Variants in PARN observed in about 807,000 individuals in gnomAD.
PARN encodes poly(A)-specific ribonuclease, also known as poly(A)-specific ribonuclease PARN.
PARN carries 71 observed loss-of-function variants against 102.8 expected under a neutral mutation model. The ratio of observed to expected loss-of-function variants is 0.69; its 90% CI spans 0.57 to 0.84. PARN has a LOEUF of 0.84. PARN is among the 40% of genes least tolerant of loss of function. The pLI, the probability that PARN is intolerant of heterozygous loss-of-function variation, is 0.00. For missense variants in PARN, 782 were observed against 760.9 expected, an observed-to-expected ratio of 1.03 and a Z score of -0.33; for synonymous variants, 261 against 252.9, an observed-to-expected ratio of 1.03 and a Z score of -0.30.
intron 6 of PARN, among the ~76,000 whole-genome samples, chr16:14,612,592 T>C (rs1395482506): frequency 6.6e-6 from 1 of 151,306 alleles, no homozygotes; most frequent in South Asian, 2.1e-4. Flanking sequence ...GGACATACTA[T>C]TTTTTTTTCT....
At chr16:14,590,861 T>C (rs1253009225) in intron 13 of PARN, among the ~76,000 whole-genome samples, 1 of 152,120 alleles carries the variant, frequency 6.6e-6, no homozygotes, top group Non-Finnish European at 1.5e-5. Context: ...GACGGAACAA[T>C]GGGACCTAAG....
chr16:14,586,246 G>T (rs1969847450), intron 14 of PARN, 72 bp downstream of exon 14: 6 of 827,626 alleles, frequency 7.2e-6, no homozygotes, highest in Non-Finnish European at 1.0e-5. Context: ...CAAAGTGGTG[G>T]GATTATAGGT....
intron 22 of PARN, among the ~76,000 whole-genome samples, chr16:14,478,042 G>A (rs986314384): frequency 4.6e-5 from 7 of 151,896 alleles, no homozygotes; most frequent in African/African-American, 1.7e-4. Flanking sequence ...ATAAAGGATG[G>A]CCAGGTGCAC....
intron 21 of PARN, among the ~76,000 whole-genome samples, chr16:14,529,486 T>C (rs1045431096): frequency 5.3e-5 from 8 of 152,164 alleles, no homozygotes; most frequent in Non-Finnish European, 7.3e-5. Flanking sequence ...CACTACTGGC[T>C]ACTGCTCCAC....
intron 13 of PARN, 64 bp from the exon 14 acceptor site, chr16:14,586,425 T>A: frequency 1.0e-6 from 1 of 957,184 alleles, no homozygotes; most frequent in Non-Finnish European, 1.6e-6. Flanking sequence ...AAAAAACATG[T>A]AAACAGCTCA....
chr16:14,466,165 A>G (rs1257793352), intron 22 of PARN, among the ~76,000 whole-genome samples: 1 of 152,258 alleles, frequency 6.6e-6, no homozygotes, highest in East Asian at 1.9e-4. Flanking sequence ...AAAAAAATGA[A>G]GAAGTAGCAG....
intron 13 of PARN, among the ~76,000 whole-genome samples, chr16:14,588,608 G>A (rs1969994584): frequency 6.6e-6 from 1 of 152,166 alleles, no homozygotes; most frequent in Non-Finnish European, 1.5e-5. Flanking sequence ...CTGGGAGCGG[G>A]TGGCTCATTC....
chr16:14,531,089 G>A (rs1966302455), intron 21 of PARN, among the ~76,000 whole-genome samples: 1 of 152,188 alleles, frequency 6.6e-6, no homozygotes, highest in African/African-American at 2.4e-5. Flanking sequence ...GGTGTCTCAT[G>A]CCTGTAATCC....
At chr16:14,553,561 T>A (rs921561724) in intron 20 of PARN, among the ~76,000 whole-genome samples, 2 of 152,220 alleles carry the variant, frequency 1.3e-5, no homozygotes. Flanking sequence ...ACAATCAGAA[T>A]GGTCTTCATA....
intron 22 of PARN, among the ~76,000 whole-genome samples, chr16:14,447,958 CTAT>C (rs1961275457): frequency 1.3e-5 from 2 of 150,886 alleles, no homozygotes; most frequent in Non-Finnish European, 3.0e-5. Flanking sequence ...ATCTATCTAT[CTAT>C]CTATCTATCT....
At chr16:14,442,885 T>C (rs2151551817) in intron 23 of PARN, among the ~76,000 whole-genome samples, 1 of 152,364 alleles carries the variant, frequency 6.6e-6, no homozygotes, top group East Asian at 1.9e-4. Context: ...CCAGCCCGCT[T>C]GGATTTCTAT....
At chr16:14,625,555 A>G (rs1160006742) in intron 5 of PARN, among the ~76,000 whole-genome samples, 2 of 152,214 alleles carry the variant, frequency 1.3e-5, no homozygotes, top group Admixed American at 6.5e-5. Flanking sequence ...TACCACGGTG[A>G]TTGACAAATA....
intron 5 of PARN, among the ~76,000 whole-genome samples, chr16:14,623,171 T>C (rs1320196040): frequency 1.3e-5 from 2 of 150,274 alleles, no homozygotes; most frequent in East Asian, 3.9e-4. Context: ...ACATAAAAGC[T>C]AGGAAAAAAG....
intron 23 of PARN, among the ~76,000 whole-genome samples, chr16:14,437,391 T>A (rs988656572): frequency 6.6e-6 from 1 of 152,308 alleles, no homozygotes; most frequent in East Asian, 1.9e-4. Flanking sequence ...GGGGTTCCAA[T>A]ATCTCAACAG....
chr16:14,504,912 T>A (rs749403129), intron 21 of PARN, among the ~76,000 whole-genome samples: 1 of 152,244 alleles, frequency 6.6e-6, no homozygotes, highest in African/African-American at 2.4e-5. Flanking sequence ...TCATGGATCT[T>A]ACATTCTAGT....
intron 21 of PARN, among the ~76,000 whole-genome samples, chr16:14,536,763 G>GC (rs1246231398): frequency 6.6e-6 from 1 of 151,946 alleles, no homozygotes; most frequent in Non-Finnish European, 1.5e-5. Context: ...AATTAAAAAA[G>GC]CAGATCCAAA....
At chr16:14,485,224 G>C (rs1421399625) in intron 21 of PARN, among the ~76,000 whole-genome samples, 1 of 152,230 alleles carries the variant, frequency 6.6e-6, no homozygotes, top group African/African-American at 2.4e-5. Flanking sequence ...TCATATCAGA[G>C]AGCCACAGAA....
chr16:14,480,697 T>G (rs1034686570), intron 22 of PARN, among the ~76,000 whole-genome samples: 15 of 152,106 alleles, frequency 9.9e-5, no homozygotes, highest in Non-Finnish European at 2.2e-4. Flanking sequence ...TCCCAACACT[T>G]TGGGAGGCCG....
At chr16:14,512,224 G>A (rs868132580) in intron 21 of PARN, among the ~76,000 whole-genome samples, 3 of 152,086 alleles carry the variant, frequency 2.0e-5, no homozygotes, top group Middle Eastern at 3.2e-3. Flanking sequence ...CGTCCTGGCC[G>A]GGCGTGGTAG....
Sources: allele counts gnomAD v4.1 joint callset (sites outside exome capture counted in the v4.1 genomes callset), GRCh38; gene constraint gnomAD v4.1.1; transcripts MANE v1.5; gene names NCBI Gene and HGNC (gene_info 2026-07-23, HGNC 2026-07-21).